TCERG1L: variants seen among roughly 807,000 people sequenced by gnomAD.
TCERG1L encodes transcription elongation regulator 1-like protein.
TCERG1L carries 37 observed loss-of-function variants against 56.3 expected under a neutral mutation model. The observed-to-expected ratio is 0.66, with a 90% CI of 0.51 to 0.87. The LOEUF (loss-of-function observed/expected upper bound fraction) is 0.87. Ranked by LOEUF, TCERG1L falls within the 40% of genes least tolerant of loss-of-function variation. TCERG1L has a pLI of 0.00. For synonymous variants in TCERG1L, 324 were observed against 326.3 expected, an observed-to-expected ratio of 0.99 and a Z score of 0.08; for missense variants, 799 against 774.2, an observed-to-expected ratio of 1.03 and a Z score of -0.38.
intron 3 of TCERG1L, among the ~76,000 whole-genome samples, chr10:131,302,750 C>T (rs567453899): frequency 6.6e-6 from 1 of 151,802 alleles, no homozygotes; most frequent in South Asian, 2.1e-4. Context: ...CTACATTAGG[C>T]ATTTCTCCTA....
chr10:131,265,479 T>C (rs1350915253), intron 3 of TCERG1L, among the ~76,000 whole-genome samples: 1 of 152,200 alleles, frequency 6.6e-6, no homozygotes, highest in Middle Eastern at 3.2e-3. Context: ...ATCATAAAAC[T>C]TCTGCCCAGC....
intron 7 of TCERG1L, among the ~76,000 whole-genome samples, chr10:131,139,730 GTGTA>G (rs1326580013): frequency 2.0e-5 from 3 of 151,594 alleles, no homozygotes; most frequent in Admixed American, 1.3e-4. Context: ...ATGTGTGCCT[GTGTA>G]TGTGTCTGTA....
At position 131,124,758 on chromosome 10, in the gene TCERG1L, G is replaced by A. The variant is rs1845547838; in HGVS notation, c.1260-7824C>T. The stretch of plus-strand genomic sequence containing the variant: ...ACAACAACAGGATCTGCATCGCAGG[G>A]GTGACCTGAGGAGGGAACGCTGGGC... On this transcript the variant is annotated intron_variant, in intron 8 of 11. Coordinates refer to ENST00000368642, the MANE Select transcript of TCERG1L (RefSeq NM_174937.4). 3.3e-5 allele frequency among the ~76,000 whole-genome samples: 5 copies of A among 152,282 alleles called. No individual in the cohort carries two copies. In the South Asian group the frequency reaches 1.0e-3, roughly 32 times the overall value.
chr10:131,108,260 T>C lies in TCERG1L; in HGVS notation c.1396-3906A>G, dbSNP rs1197332598. Among the ~76,000 whole-genome samples the C allele has an allele frequency of 2.0e-5, 3 of 152,172 alleles. 1 individual carries two copies. The highest frequency in any genetic ancestry group is 4.1e-4 in the South Asian group (2 of 4,828). On this transcript the variant is annotated intron_variant, in intron 9 of 11. Coordinates refer to ENST00000368642, the MANE Select transcript of TCERG1L (RefSeq NM_174937.4). ...CAGAAATAAGACATCCTTCAAGCTTTAGCCCAGCGTTTCACAGGACCCCAG... is the reference window on the plus strand; with the variant it reads ...CAGAAATAAGACATCCTTCAAGCTTCAGCCCAGCGTTTCACAGGACCCCAG...
intron 9 of TCERG1L, among the ~76,000 whole-genome samples, chr10:131,116,050 G>A (rs965166115): frequency 6.6e-6 from 1 of 152,278 alleles, no homozygotes; most frequent in Middle Eastern, 3.4e-3. Flanking sequence ...CTCACACGTG[G>A]GGCCCACCAC....
chr10:131,130,719 T>C (rs1331653885), intron 8 of TCERG1L, among the ~76,000 whole-genome samples: 2 of 152,144 alleles, frequency 1.3e-5, no homozygotes, highest in African/African-American at 2.4e-5. Flanking sequence ...CAAGTAGTGA[T>C]ACAGTGAGCC....
intron 4 of TCERG1L, among the ~76,000 whole-genome samples, chr10:131,217,915 G>A (rs745667414): frequency 6.6e-6 from 1 of 151,822 alleles, no homozygotes; most frequent in Non-Finnish European, 1.5e-5. Flanking sequence ...TAGTACAGAC[G>A]AGGTTTCACC....
At chr10:131,175,687 CCAGA>C (rs1199602106) in intron 4 of TCERG1L, among the ~76,000 whole-genome samples, 1 of 152,186 alleles carries the variant, frequency 6.6e-6, no homozygotes, top group Non-Finnish European at 1.5e-5. Flanking sequence ...ACATATTAAA[CCAGA>C]CAATTTCTAT....
chr10:131,222,050 C>T (rs539028096), intron 4 of TCERG1L, among the ~76,000 whole-genome samples: 77 of 152,352 alleles, frequency 5.1e-4, no homozygotes, highest in Admixed American at 1.6e-3. Flanking sequence ...GGTTAATCCA[C>T]ATTTCTCAAC....
intron 4 of TCERG1L, among the ~76,000 whole-genome samples, chr10:131,180,889 T>G (rs917117442): frequency 1.5e-4 from 23 of 151,952 alleles, no homozygotes; most frequent in Non-Finnish European, 2.6e-4. Flanking sequence ...GGGAGACGTG[T>G]GAATCCCCAC....
chr10:131,176,452 ACAC>A (rs1846151505), intron 4 of TCERG1L, among the ~76,000 whole-genome samples: 1 of 41,232 alleles, frequency 2.4e-5, no homozygotes, highest in Non-Finnish European at 5.4e-5. Context: ...ACGTGTACAC[ACAC>A]CAAGAAACAT....
chr10:131,170,205 G>A (rs760089372), intron 4 of TCERG1L, among the ~76,000 whole-genome samples: 1 of 152,060 alleles, frequency 6.6e-6, no homozygotes, highest in African/African-American at 2.4e-5. Flanking sequence ...TTGGGTCTGC[G>A]TGTCAGCCAT....
chr10:131,262,364 T>C (rs547054098), intron 3 of TCERG1L, among the ~76,000 whole-genome samples: 1 of 152,244 alleles, frequency 6.6e-6, no homozygotes, highest in Admixed American at 6.5e-5. Context: ...TACTTAACAC[T>C]ATGATGTCAG....
chr10:131,246,261 G>C (rs551833151), intron 4 of TCERG1L, among the ~76,000 whole-genome samples: 2 of 152,308 alleles, frequency 1.3e-5, no homozygotes, highest in Admixed American at 1.3e-4. Context: ...CTGAGTGCTG[G>C]AGGATGAGCA....
rs74160867 is a variant in TCERG1L, at chr10:131,196,887, A to G, written c.857-30002T>C. On this transcript the variant is annotated intron_variant, in intron 4 of 11. Coordinates refer to ENST00000368642, the MANE Select transcript of TCERG1L (RefSeq NM_174937.4). ...TTGATCTCAGCTCTACTAAGAGAAG[A>G]AGGAGAATCAGAGAATGGGGTACTT... Among the ~76,000 whole-genome samples the G allele has an allele frequency of 4.6e-3, 695 of 152,322 alleles. 7 individuals are homozygous for G. Among genetic ancestry groups the G allele is most frequent in the African/African-American group, 0.015 (620 of 41,570 alleles).
intron 4 of TCERG1L, among the ~76,000 whole-genome samples, chr10:131,257,718 A>T (rs1156691935): frequency 6.6e-6 from 1 of 152,016 alleles, no homozygotes; most frequent in African/African-American, 2.4e-5. Context: ...ACCAGATCCC[A>T]GTAGCAACCC....
intron 4 of TCERG1L, among the ~76,000 whole-genome samples, chr10:131,181,475 A>T (rs1845175039): frequency 6.6e-6 from 1 of 152,246 alleles, no homozygotes; most frequent in Non-Finnish European, 1.5e-5. Flanking sequence ...CATCAACTGA[A>T]TGGGAAAAGT....
chr10:131,242,641 G>A (rs1311965767), intron 4 of TCERG1L, among the ~76,000 whole-genome samples: 1 of 152,142 alleles, frequency 6.6e-6, no homozygotes, highest in African/African-American at 2.4e-5. Context: ...TTCCAGCTTT[G>A]AAATACTTGC....
chr10:131,285,412 A>AAGG (rs1491511611), intron 3 of TCERG1L, among the ~76,000 whole-genome samples: 3 of 108,622 alleles, frequency 2.8e-5, no homozygotes, highest in African/African-American at 6.2e-5. Context: ...GGAAGGAAGG[A>AAGG]AAGAGAGAGA....
Sources: gnomAD v4.1 joint callset for allele counts (sites outside exome capture counted in the v4.1 genomes callset) on GRCh38, gnomAD v4.1.1 for gene constraint, MANE v1.5 for transcripts, NCBI Gene and HGNC (gene_info 2026-07-23, HGNC 2026-07-21) for gene names.